Variants in TRABD2B observed in about 807,000 individuals in gnomAD.
The protein encoded by TRABD2B is TraB domain containing 2B.
In TRABD2B, 14 loss-of-function variants were observed where a neutral mutation model predicts 40.1. The ratio of observed to expected loss-of-function variants is 0.35; its 90% confidence interval spans 0.23 to 0.55. The LOEUF (loss-of-function observed/expected upper bound fraction) is 0.55, where lower values mean the gene tolerates loss of function less well. Among genes scored for constraint, TRABD2B ranks in the 20% least tolerant of loss-of-function variants. The pLI is 0.90. For synonymous variants in TRABD2B, 263 were observed against 277.0 expected, an observed-to-expected ratio of 0.95 and a Z score of 0.50; for missense variants, 541 against 648.6, an observed-to-expected ratio of 0.83 and a Z score of 1.80.
At chr1:47,950,633 A>G (rs1045535027) in intron 2 of TRABD2B, among the ~76,000 whole-genome samples, 3 of 152,340 alleles carry the variant, frequency 2.0e-5, no homozygotes, top group Non-Finnish European at 2.9e-5. Context: ...CCAAGTCACA[A>G]GGGAAGTGAG....
intron 2 of TRABD2B, among the ~76,000 whole-genome samples, chr1:47,916,972 C>G (rs958584167): frequency 5.9e-5 from 9 of 152,240 alleles, no homozygotes; most frequent in Non-Finnish European, 8.8e-5. Flanking sequence ...TTCTATGAAG[C>G]AGGTACTGTT....
At chr1:47,938,577 G>A (rs1042117412) in intron 2 of TRABD2B, among the ~76,000 whole-genome samples, 5 of 151,972 alleles carry the variant, frequency 3.3e-5, no homozygotes, top group African/African-American at 1.2e-4. Flanking sequence ...CATACTCCAT[G>A]ACTTTAGCTT....
intron 2 of TRABD2B, among the ~76,000 whole-genome samples, chr1:47,826,096 G>T (rs373486648): frequency 1.3e-5 from 2 of 152,184 alleles, no homozygotes; most frequent in South Asian, 2.1e-4. Flanking sequence ...TTGGAAGGTC[G>T]CATGTAGTTT....
chr1:47,777,031 C>A (rs1283409743), intron 5 of TRABD2B, among the ~76,000 whole-genome samples: 3 of 152,200 alleles, frequency 2.0e-5, no homozygotes, highest in African/African-American at 4.8e-5. Context: ...GTGCAGGAGG[C>A]TAAGGCTGAG....
chr1:47,842,571 T>G (rs1645413080), intron 2 of TRABD2B, among the ~76,000 whole-genome samples: 1 of 152,160 alleles, frequency 6.6e-6, no homozygotes, highest in Non-Finnish European at 1.5e-5. Context: ...AAAAGCATGC[T>G]CTATAACACA....
chr1:47,928,811 C>G (rs1191872791), intron 2 of TRABD2B, among the ~76,000 whole-genome samples: 1 of 152,202 alleles, frequency 6.6e-6, no homozygotes, highest in Non-Finnish European at 1.5e-5. Context: ...AGGCTCACAT[C>G]CCTCATTTTC....
intron 2 of TRABD2B, among the ~76,000 whole-genome samples, chr1:47,866,449 G>T (rs1447904244): frequency 6.6e-6 from 1 of 152,056 alleles, no homozygotes. Flanking sequence ...TTTTTCAGAG[G>T]GTCACTGTGA....
intron 2 of TRABD2B, among the ~76,000 whole-genome samples, chr1:47,830,709 A>G (rs1645236754): frequency 6.6e-6 from 1 of 152,196 alleles, no homozygotes; most frequent in Admixed American, 6.5e-5. Flanking sequence ...TCTTTCAAGG[A>G]AATGGCTTAG....
In TRABD2B at chr1:47,962,226, T is replaced by TG. The variant is rs1391945130; in HGVS notation, c.666+31807dup. ...CGGGGCCTGTTGTGGGGTGGGGGGA[T>TG]GGGGGAGGGATAGCATTAGGAGATA... On this transcript the variant is annotated intron_variant, in intron 2 of 6. Coordinates refer to ENST00000606738, the MANE Select transcript of TRABD2B (RefSeq NM_001194986.2). Among the ~76,000 whole-genome samples the TG allele has an allele frequency of 2.3e-3, 261 of 111,256 alleles. 1 individual carries two copies. Among genetic ancestry groups the TG allele is most frequent in the Non-Finnish European group, 3.7e-3 (197 of 53,304 alleles). The allele number at this position is 111,256 out of a possible 152,430, so 73.0% of individuals were successfully genotyped here.
intron 2 of TRABD2B, among the ~76,000 whole-genome samples, chr1:47,805,245 C>T (rs947265832): frequency 1.1e-4 from 17 of 151,352 alleles, no homozygotes; most frequent in South Asian, 2.1e-4. Context: ...TCCACACACA[C>T]TGCCACACCC....
At chr1:47,787,331 C>T (rs889747444) in intron 4 of TRABD2B, among the ~76,000 whole-genome samples, 3 of 152,172 alleles carry the variant, frequency 2.0e-5, no homozygotes, top group African/African-American at 4.8e-5. Context: ...TAAAGGGGAC[C>T]TTGGACCTAG....
chr1:47,945,003 T>C (rs922937603), intron 2 of TRABD2B, among the ~76,000 whole-genome samples: 2 of 150,514 alleles, frequency 1.3e-5, no homozygotes, highest in African/African-American at 2.5e-5. Context: ...CTGCAGGACA[T>C]GTAGTTCAGT....
chr1:47,882,299 C>T (rs1483257342), intron 2 of TRABD2B, among the ~76,000 whole-genome samples: 1 of 152,242 alleles, frequency 6.6e-6, no homozygotes. Flanking sequence ...TGACCACCCG[C>T]CACAGTGATC....
intron 6 of TRABD2B, among the ~76,000 whole-genome samples, chr1:47,773,919 G>A (rs4927050): frequency 1.3e-5 from 2 of 152,106 alleles, no homozygotes; most frequent in Non-Finnish European, 2.9e-5. Flanking sequence ...CTGGACCATG[G>A]CAACATTTTG....
intron 2 of TRABD2B, among the ~76,000 whole-genome samples, chr1:47,946,788 C>G (rs1242284354): frequency 6.6e-6 from 1 of 152,128 alleles, no homozygotes; most frequent in Non-Finnish European, 1.5e-5. Context: ...CTCCTCTACC[C>G]TCTCAAAATT....
At position 47,764,592 on chromosome 1, in the gene TRABD2B, G is replaced by A. The variant is rs1398560608; in HGVS notation, c.*1310C>T. 3 of 152,260 alleles carry A rather than the reference G, an allele frequency of 2.0e-5. No individual in the cohort carries two copies. Among genetic ancestry groups the A allele is most frequent in the Non-Finnish European group, 4.4e-5 (3 of 68,062 alleles). The allele number at this position is 152,260 out of a possible 1,614,324, so 9.4% of individuals were successfully genotyped here. ...TCTCGTGGGCTCCAAGATCTGGCAA[G>A]TCAGGACATGCGACACATGGCACAT... On this transcript the variant is annotated 3_prime_UTR_variant, in exon 7 of 7. Coordinates refer to ENST00000606738, the MANE Select transcript of TRABD2B (RefSeq NM_001194986.2).
intron 2 of TRABD2B, among the ~76,000 whole-genome samples, chr1:47,918,737 C>G (rs1644862538): frequency 6.6e-6 from 1 of 152,182 alleles, no homozygotes; most frequent in Non-Finnish European, 1.5e-5. Flanking sequence ...CAGACTCATA[C>G]CATTCTATGC....
At chr1:47,881,364 C>T (rs1644301613) in intron 2 of TRABD2B, among the ~76,000 whole-genome samples, 1 of 152,144 alleles carries the variant, frequency 6.6e-6, no homozygotes, top group Non-Finnish European at 1.5e-5. Context: ...TATGTGTAAG[C>T]CCATTACTTG....
intron 2 of TRABD2B, among the ~76,000 whole-genome samples, chr1:47,806,935 A>G (rs981694743): frequency 6.6e-6 from 1 of 152,004 alleles, no homozygotes. Context: ...TGCTCACCCA[A>G]CTCAAAGCCC....
Sources: gnomAD v4.1 joint callset for allele counts (sites outside exome capture counted in the v4.1 genomes callset) on GRCh38, gnomAD v4.1.1 for gene constraint, MANE v1.5 for transcripts, NCBI Gene and HGNC (gene_info 2026-07-23, HGNC 2026-07-21) for gene names.